Variants in TMEM123 observed in about 807,000 individuals in gnomAD.
The protein encoded by TMEM123 is porimin.
In TMEM123, 16 loss-of-function variants were observed where a neutral mutation model predicts 19.7. The observed-to-expected ratio is 0.81, with a 90% CI of 0.55 to 1.23. TMEM123 has a LOEUF of 1.23. Ranked by LOEUF, TMEM123 falls within the 50% of genes most tolerant of loss-of-function variation. The pLI is 0.00. For synonymous variants in TMEM123, 118 were observed against 99.4 expected, an observed-to-expected ratio of 1.19 and a Z score of -1.12; for missense variants, 313 against 257.8, an observed-to-expected ratio of 1.21 and a Z score of -1.47.
At chr11:102,402,799 T>C (rs1239881856) in intron 2 of TMEM123, among the ~76,000 whole-genome samples, 3 of 152,352 alleles carry the variant, frequency 2.0e-5, no homozygotes, top group South Asian at 2.1e-4. Context: ...ATACTGGTAA[T>C]AATAATTTCC....
At chr11:102,405,235 G>C (rs1951945371) in intron 2 of TMEM123, among the ~76,000 whole-genome samples, 1 of 151,708 alleles carries the variant, frequency 6.6e-6, no homozygotes, top group Non-Finnish European at 1.5e-5. Context: ...TTTTATTAGA[G>C]ACGGGGTTTC....
chr11:102,432,802 G>A (rs915071130), intron 2 of TMEM123, among the ~76,000 whole-genome samples: 10 of 152,236 alleles, frequency 6.6e-5, no homozygotes, highest in African/African-American at 2.2e-4. Context: ...GCAGCCTGGG[G>A]ACATAGTGCC....
intron 2 of TMEM123, among the ~76,000 whole-genome samples, chr11:102,437,357 G>A (rs568894219): frequency 6.6e-5 from 10 of 151,904 alleles, no homozygotes; most frequent in African/African-American, 2.4e-4. Flanking sequence ...TACTTGGGAG[G>A]CTGAGGCAGG....
intron 2 of TMEM123, among the ~76,000 whole-genome samples, chr11:102,427,314 CTGAA>C (rs1253980408): frequency 6.6e-6 from 1 of 151,978 alleles, no homozygotes; most frequent in Non-Finnish European, 1.5e-5. Flanking sequence ...TTTTTGTTGA[CTGAA>C]TTTCACAAAA....
intron 2 of TMEM123, among the ~76,000 whole-genome samples, chr11:102,447,985 T>C (rs774579424): frequency 6.6e-6 from 1 of 152,220 alleles, no homozygotes; most frequent in Non-Finnish European, 1.5e-5. Context: ...GTATTTTATG[T>C]CATGTATATT....
At chr11:102,410,000 A>G (rs11225246) in intron 2 of TMEM123, among the ~76,000 whole-genome samples, 1,730 of 152,306 alleles carry the variant, frequency 0.011, 34 homozygotes, top group African/African-American at 0.039. Flanking sequence ...CTGAATTTTT[A>G]AACTCAAAAA....
intron 2 of TMEM123, among the ~76,000 whole-genome samples, chr11:102,429,857 T>C (rs1952160787): frequency 6.6e-6 from 1 of 152,232 alleles, no homozygotes; most frequent in Non-Finnish European, 1.5e-5. Context: ...TATTACCCTC[T>C]TTTATGTCAG....
chr11:102,413,814 T>C (rs993185604), intron 2 of TMEM123, among the ~76,000 whole-genome samples: 1 of 152,178 alleles, frequency 6.6e-6, no homozygotes, highest in African/African-American at 2.4e-5. Context: ...AGTGTCTTCT[T>C]ACCTCCAAAG....
chr11:102,422,295 G>A (rs559177935), intron 2 of TMEM123, among the ~76,000 whole-genome samples: 58 of 152,076 alleles, frequency 3.8e-4, no homozygotes, highest in Non-Finnish European at 6.6e-4. Flanking sequence ...CCAACATGAC[G>A]AAACCTTGTC....
At chr11:102,431,988 A>G (rs1388696013) in intron 2 of TMEM123, among the ~76,000 whole-genome samples, 2 of 152,182 alleles carry the variant, frequency 1.3e-5, no homozygotes, top group African/African-American at 2.4e-5. Context: ...AGCCTTCCCT[A>G]GCCATGTGGA....
chr11:102,430,968 G>A (rs754381479), intron 2 of TMEM123, among the ~76,000 whole-genome samples: 2 of 152,074 alleles, frequency 1.3e-5, no homozygotes, highest in Non-Finnish European at 2.9e-5. Context: ...AATGTGGGGT[G>A]AAAAAAGTAG....
rs141259813 is a variant in TMEM123, at chr11:102,401,135, G to A, written c.602+404C>T. 2.7e-3 allele frequency among the ~76,000 whole-genome samples: 403 copies of A among 151,782 alleles called. 1 individual carries two copies. The highest frequency in any genetic ancestry group is 9.3e-3 in the African/African-American group (387 of 41,418). ...TGTCAGAGGAATTTTTTTTGTCTTT[G>A]TCGTGGAAAACAAAAGCCATGGTTT... On this transcript the variant is annotated intron_variant, in intron 4 of 4. Coordinates refer to ENST00000398136, the MANE Select transcript of TMEM123 (RefSeq NM_052932.3).
rs144555054 is a variant in TMEM123 at position 102,401,888 on chromosome 11, GA to G, written c.448+27del. The G allele has an allele frequency of 2.4e-3, 3,863 of 1,597,064 alleles. 85 individuals are homozygous for G. In the African/African-American group the frequency reaches 0.045, roughly 19 times the overall value. On this transcript the variant is annotated intron_variant, in intron 3 of 4. Coordinates refer to ENST00000398136, the MANE Select transcript of TMEM123 (RefSeq NM_052932.3). Reference sequence around the variant, plus strand: ...TGGCATTTAACTACTTGCAGCATAGGAAAAAAAAGGTCAGCTTTAATACATA... The same window carrying G: ...TGGCATTTAACTACTTGCAGCATAGGAAAAAAAGGTCAGCTTTAATACATA...
intron 2 of TMEM123, among the ~76,000 whole-genome samples, chr11:102,416,476 C>G (rs1952044732): frequency 6.6e-6 from 1 of 151,996 alleles, no homozygotes; most frequent in Admixed American, 6.6e-5. Context: ...AACTGAAACC[C>G]TGAACAGATC....
At chr11:102,421,715 T>A (rs763216309) in intron 2 of TMEM123, among the ~76,000 whole-genome samples, 1 of 152,174 alleles carries the variant, frequency 6.6e-6, no homozygotes, top group Admixed American at 6.5e-5. Flanking sequence ...AAACACATAT[T>A]GTTTAATGTT....
At chr11:102,430,238 T>C (rs1857681910) in intron 2 of TMEM123, among the ~76,000 whole-genome samples, 1 of 152,180 alleles carries the variant, frequency 6.6e-6, no homozygotes. Context: ...CAACTAAGGC[T>C]GGTATAGCAA....
At chr11:102,442,401 T>A (rs1857836701) in intron 2 of TMEM123, among the ~76,000 whole-genome samples, 1 of 152,066 alleles carries the variant, frequency 6.6e-6, no homozygotes. Context: ...CACATGCAAA[T>A]CAATAAACGT....
chr11:102,425,130 G>C lies in TMEM123; in HGVS notation c.158-22924C>G, dbSNP rs1440001766. Among the ~76,000 whole-genome samples the C allele has an allele frequency of 3.9e-5, 6 of 152,336 alleles. No individual in the cohort carries two copies. In the East Asian group the frequency reaches 1.2e-3, roughly 29 times the overall value. ...CTCCAAGCAGCACCCAGGAATATCA[G>C]AAAGAAACAGAGGCTTTTACGCCAA... On this transcript the variant is annotated intron_variant, in intron 2 of 4. Coordinates refer to ENST00000398136, the MANE Select transcript of TMEM123 (RefSeq NM_052932.3).
chr11:102,401,238 C>T lies in TMEM123; in HGVS notation c.602+301G>A, dbSNP rs189516160. Reference sequence around the variant, plus strand: ...GCCTGCTGGGAACTGGTATTTCTTACGATTATTGGTATGAGTAAGTGAAAA... The same window carrying T: ...GCCTGCTGGGAACTGGTATTTCTTATGATTATTGGTATGAGTAAGTGAAAA... On this transcript the variant is annotated intron_variant, in intron 4 of 4. Coordinates refer to ENST00000398136, the MANE Select transcript of TMEM123 (RefSeq NM_052932.3). 3.3e-5 allele frequency among the ~76,000 whole-genome samples: 5 copies of T among 152,244 alleles called. No individual in the cohort carries two copies. The East Asian group carries it at 5.8e-4, about 18-fold the overall frequency.
Sources: allele counts gnomAD v4.1 joint callset (sites outside exome capture counted in the v4.1 genomes callset), GRCh38; gene constraint gnomAD v4.1.1; transcripts MANE v1.5; gene names NCBI Gene and HGNC (gene_info 2026-07-23, HGNC 2026-07-21).